The following ADAMTSL1 variants were observed in gnomAD, a reference collection of about 807,000 sequenced individuals.
The protein encoded by ADAMTSL1 is ADAMTS-like protein 1.
Under a neutral mutation model 201.8 loss-of-function variants are expected in ADAMTSL1, and 126 were observed. The ratio of observed to expected loss-of-function variants is 0.62; its 90% CI spans 0.54 to 0.72. ADAMTSL1 has a LOEUF of 0.72. Ranked by LOEUF, ADAMTSL1 falls within the 30% of genes least tolerant of loss-of-function variation. The pLI, the probability that ADAMTSL1 is intolerant of heterozygous loss-of-function variation, is 0.00. For synonymous variants in ADAMTSL1, 1,121 were observed against 903.4 expected, an observed-to-expected ratio of 1.24 and a Z score of -4.32; for missense variants, 2,679 against 2,277.8, an observed-to-expected ratio of 1.18 and a Z score of -3.59.
chr9:18,116,620 A>G (rs1389391575), intron 1 of ADAMTSL1, among the ~76,000 whole-genome samples: 1 of 152,174 alleles, frequency 6.6e-6, no homozygotes, highest in Middle Eastern at 3.2e-3. Context: ...CAGGGGTTGC[A>G]TTTTATGTAG....
chr9:18,410,158 G>T (rs201092623), intron 2 of ADAMTSL1, among the ~76,000 whole-genome samples: 1 of 150,944 alleles, frequency 6.6e-6, no homozygotes, highest in East Asian at 1.9e-4. Context: ...ACAACTCCTG[G>T]ATCTAATTAG....
intron 1 of ADAMTSL1, among the ~76,000 whole-genome samples, chr9:17,947,580 A>G (rs1827553307): frequency 6.6e-6 from 1 of 152,124 alleles, no homozygotes; most frequent in South Asian, 2.1e-4. Context: ...TTGCAGTTGC[A>G]ATTGCAATAT....
At chr9:18,405,245 C>T (rs948034504) in intron 2 of ADAMTSL1, among the ~76,000 whole-genome samples, 1 of 152,140 alleles carries the variant, frequency 6.6e-6, no homozygotes, top group African/African-American at 2.4e-5. Flanking sequence ...CCAGCCACAG[C>T]AAATACCTTC....
chr9:18,464,423 C>A (rs1195922867), intron 2 of ADAMTSL1, among the ~76,000 whole-genome samples: 2 of 152,074 alleles, frequency 1.3e-5, no homozygotes, highest in South Asian at 2.1e-4. Context: ...TATATGAATT[C>A]TATTAAGATA....
At chr9:18,668,206 G>T (rs1369116742) in intron 9 of ADAMTSL1, among the ~76,000 whole-genome samples, 1 of 152,108 alleles carries the variant, frequency 6.6e-6, no homozygotes, top group East Asian at 1.9e-4. Flanking sequence ...TAACTGCTTT[G>T]TGCAGCTAAT....
At chr9:18,379,641 G>C (rs540297395) in intron 2 of ADAMTSL1, among the ~76,000 whole-genome samples, 2 of 152,282 alleles carry the variant, frequency 1.3e-5, no homozygotes, top group Admixed American at 6.5e-5. Flanking sequence ...TTGGGCTGAC[G>C]AAGGCTCTCC....
intron 14 of ADAMTSL1, among the ~76,000 whole-genome samples, chr9:18,713,505 C>T (rs959677391): frequency 1.3e-5 from 2 of 151,890 alleles, no homozygotes; most frequent in South Asian, 2.1e-4. Flanking sequence ...ACAAAGAAGG[C>T]CATTACATAA....
chr9:18,145,211 G>C (rs997586024), intron 1 of ADAMTSL1, among the ~76,000 whole-genome samples: 6 of 152,170 alleles, frequency 3.9e-5, no homozygotes, highest in African/African-American at 9.7e-5. Flanking sequence ...GACCATAAAG[G>C]TATATTAGTA....
chr9:18,069,570 C>T (rs569948833), intron 1 of ADAMTSL1, among the ~76,000 whole-genome samples: 2 of 152,310 alleles, frequency 1.3e-5, no homozygotes, highest in South Asian at 4.1e-4. Context: ...TCAAAGCCCA[C>T]TTATGGGTCA....
intron 13 of ADAMTSL1, among the ~76,000 whole-genome samples, chr9:18,688,677 A>ATATATAT (rs1315534867): frequency 6.9e-5 from 2 of 29,070 alleles, no homozygotes; most frequent in African/African-American, 2.0e-4. Flanking sequence ...AAAAAAAAAA[A>ATATATAT]AAAAAAAAAA....
chr9:18,299,021 A>ATAAT lies in ADAMTSL1; in HGVS notation c.207+135040_207+135041insTAAT, dbSNP rs202212633. The stretch of plus-strand genomic sequence containing the variant: ...AGCCAGACTCCGTCTCAAAAAAAAA[A>ATAAT]AATAATAATAATAATAATAATAGCC... On this transcript the variant is annotated intron_variant, in intron 2 of 29. Coordinates refer to the ADAMTSL1 transcript ENST00000680146. Among the ~76,000 whole-genome samples the ATAAT allele has an allele frequency of 1.0e-4, 15 of 149,748 alleles. No homozygotes were observed. The East Asian group carries it at 2.0e-3, about 20-fold the overall frequency.
intron 4 of ADAMTSL1, among the ~76,000 whole-genome samples, chr9:18,577,986 C>CT (rs71304880): frequency 0.16 from 22,984 of 142,268 alleles, 2,048 homozygotes; most frequent in South Asian, 0.26. Context: ...TTACTTTTCT[C>CT]TTTTTTTTTT....
At chr9:18,011,765 GC>G (rs1820061986) in intron 1 of ADAMTSL1, among the ~76,000 whole-genome samples, 2 of 151,988 alleles carry the variant, frequency 1.3e-5, no homozygotes, top group African/African-American at 4.8e-5. Flanking sequence ...TTTGTGGCTT[GC>G]CCAAGCTCAC....
intron 15 of ADAMTSL1, among the ~76,000 whole-genome samples, chr9:18,750,893 C>T (rs1318136359): frequency 3.9e-5 from 6 of 152,204 alleles, no homozygotes; most frequent in Non-Finnish European, 5.9e-5. Flanking sequence ...GCTGCAGTTT[C>T]ACACACGAAC....
chr9:18,059,088 G>T (rs1822330843), intron 1 of ADAMTSL1, among the ~76,000 whole-genome samples: 1 of 152,118 alleles, frequency 6.6e-6, no homozygotes. Flanking sequence ...GCCCTTCTTT[G>T]CTTCTTTCTT....
Position 18,548,198 on chromosome 9 carries a change from G to A in ADAMTSL1, c.237+14906G>A, listed in dbSNP as rs1037707736. On this transcript the variant is annotated intron_variant, in intron 3 of 28. Coordinates refer to ENST00000380548, the MANE Select transcript of ADAMTSL1 (RefSeq NM_001040272.6). ...GTCATTCATGGGCATGTGAAGAAAA[G>A]TTAAATCTTTGAGTCGCTGAATGAA... Among the ~76,000 whole-genome samples, 5 of 152,162 alleles carry A rather than the reference G, an allele frequency of 3.3e-5. No homozygotes were observed. In the East Asian group the frequency reaches 7.7e-4, roughly 23 times the overall value.
At chr9:18,876,304 G>GTGTGTGTGTGTC (rs980089500) in intron 23 of ADAMTSL1, among the ~76,000 whole-genome samples, 2 of 147,460 alleles carry the variant, frequency 1.4e-5, no homozygotes, top group African/African-American at 5.0e-5. Flanking sequence ...CTGAATACGT[G>GTGTGTGTGTGTC]TGTGTGTGTG....
intron 2 of ADAMTSL1, among the ~76,000 whole-genome samples, chr9:18,266,437 C>T (rs1832120148): frequency 6.6e-6 from 1 of 152,150 alleles, no homozygotes; most frequent in Admixed American, 6.5e-5. Flanking sequence ...TTTGAGTAGA[C>T]AGCAACAGAT....
intron 23 of ADAMTSL1, among the ~76,000 whole-genome samples, chr9:18,884,953 T>C (rs1419387657): frequency 2.0e-5 from 3 of 152,220 alleles, no homozygotes; most frequent in African/African-American, 2.4e-5. Context: ...GGGGATTGCA[T>C]TCAATCTGTA....
Sources: gnomAD v4.1 joint callset for allele counts (sites outside exome capture counted in the v4.1 genomes callset) on GRCh38, gnomAD v4.1.1 for gene constraint, MANE v1.5 for transcripts, NCBI Gene and HGNC (gene_info 2026-07-23, HGNC 2026-07-21) for gene names.